Variants in FKBP9 observed in about 807,000 individuals in gnomAD.
FKBP9 encodes FKBP prolyl isomerase 9, also known as peptidyl-prolyl cis-trans isomerase FKBP9.
Under a neutral mutation model 55.6 loss-of-function variants are expected in FKBP9, and 27 were observed. The observed-to-expected ratio is 0.49, with a 90% CI of 0.36 to 0.67. FKBP9 has a LOEUF of 0.67. Among genes scored for constraint, FKBP9 ranks in the 30% least tolerant of loss-of-function variants. The pLI is 0.00. For missense variants in FKBP9, 539 were observed against 742.8 expected (o/e 0.73, Z 3.19); for synonymous variants, 267 against 296.5 (o/e 0.90, Z 1.02).
chr7:32,967,063 GC>G lies in FKBP9; in HGVS notation c.222-7551del, dbSNP rs563436891. Among the ~76,000 whole-genome samples, 20 of 152,202 alleles carry G rather than the reference GC, an allele frequency of 1.3e-4. No homozygotes were observed. In the East Asian group the frequency reaches 3.7e-3, roughly 28 times the overall value. ...GTCTGTAGGGTCACCATGGATTGTGGCCCTAAACTAAAGGGCCCGGTTCCTG... is the reference window on the plus strand; with the variant it reads ...GTCTGTAGGGTCACCATGGATTGTGGCCTAAACTAAAGGGCCCGGTTCCTG... On this transcript the variant is annotated intron_variant, in intron 1 of 9. Coordinates refer to ENST00000242209, the MANE Select transcript of FKBP9 (RefSeq NM_007270.5).
At chr7:32,965,866 T>TATGTATACACATATGTATATAC (rs70989913) in intron 1 of FKBP9, among the ~76,000 whole-genome samples, 1 of 97,520 alleles carries the variant, frequency 1.0e-5, no homozygotes, top group African/African-American at 4.8e-5. Flanking sequence ...TATATATATA[T>TATGTATACACATATGTATATAC]ACATACATAT....
At chr7:32,980,767 T>A (rs1397976032) in intron 5 of FKBP9, among the ~76,000 whole-genome samples, 1 of 152,074 alleles carries the variant, frequency 6.6e-6, no homozygotes, top group Non-Finnish European at 1.5e-5. Context: ...TCTCGTTCTG[T>A]CATCCAGTGT....
chr7:32,988,332 T>C (rs3763474), intron 5 of FKBP9, among the ~76,000 whole-genome samples, 175 bp from the exon 6 acceptor site: 78,405 of 152,002 alleles, frequency 0.52, 21,816 homozygotes, highest in Non-Finnish European at 0.63. Context: ...GTGGGGGTTC[T>C]TATTTACCCT....
Position 32,996,304 on chromosome 7 carries a change from A to G in FKBP9, c.1181A>G (p.Tyr394Cys), listed in dbSNP as rs769978929. The G allele has an allele frequency of 2.5e-6, 4 of 1,613,964 alleles. No individual in the cohort carries two copies. The highest frequency in any genetic ancestry group is 1.7e-5 in the Admixed American group (1 of 60,016). Residue 394 changes from tyrosine to cysteine, a missense_variant, in exon 7 of 10, where the codon TAT becomes TGT. By Grantham distance (194) the Tyr-to-Cys change is radical. This residue lies in a region of FKBP9 where 172 missense variants were observed against 205.3 expected (regional missense o/e 0.84). Coordinates refer to ENST00000242209, the MANE Select transcript of FKBP9 (RefSeq NM_007270.5). ...AGTAAGAAGGGAGATTACCTCAAATATCACTACAATGCCTCACTTCTGGAT... is the reference window on the plus strand; with the variant it reads ...AGTAAGAAGGGAGATTACCTCAAATGTCACTACAATGCCTCACTTCTGGAT... ...VLSKKGDYLK[Y>C]HYNASLLDGT...
intron 3 of FKBP9, 29 bp from the exon 4 acceptor site, chr7:32,976,325 A>G (rs779631252): frequency 3.0e-5 from 48 of 1,613,840 alleles, no homozygotes; most frequent in Middle Eastern, 3.3e-4. Context: ...CATGGTGTGG[A>G]ACTTTTTCCC....
At chr7:32,996,126 A>C (rs765311311) in intron 6 of FKBP9, 37 bp from the exon 7 acceptor site, 1 of 1,601,150 alleles carries the variant, frequency 6.2e-7, no homozygotes, top group Non-Finnish European at 8.5e-7. Context: ...TGCAGCCTGC[A>C]GGGGTCATTC....
intron 1 of FKBP9, among the ~76,000 whole-genome samples, chr7:32,965,910 G>A (rs1175737000): frequency 3.5e-5 from 5 of 141,784 alleles, no homozygotes; most frequent in Non-Finnish European, 6.1e-5. Context: ...GAGCCATGGG[G>A]GGCTGGGCGC....
At chr7:32,978,721 T>A (rs1338846543) in intron 4 of FKBP9, among the ~76,000 whole-genome samples, 1 of 152,174 alleles carries the variant, frequency 6.6e-6, no homozygotes, top group Non-Finnish European at 1.5e-5. Context: ...TCATTCACGT[T>A]GGCTCCCAGA....
rs1784357747 is a variant in FKBP9 at position 32,976,042 on chromosome 7, GC to G, written c.558-311del. 1.3e-5 allele frequency among the ~76,000 whole-genome samples: 2 copies of G among 152,204 alleles called. 1 individual carries two copies. On this transcript the variant is annotated intron_variant, in intron 3 of 9. Coordinates refer to ENST00000242209, the MANE Select transcript of FKBP9 (RefSeq NM_007270.5). ...GAGGGAAAAGATGAATGTATGTGAA[GC>G]TATGGAGAGGCATGGGGCTACACGG...
intron 1 of FKBP9, 99 bp downstream of exon 1, chr7:32,957,893 G>C: frequency 1.1e-6 from 1 of 901,220 alleles, no homozygotes; most frequent in Admixed American, 4.2e-5. Context: ...GCTCCGCCCC[G>C]TGCAGCCGCG....
At chr7:32,973,682 G>GTTTTTTTTTT (rs745717239) in intron 1 of FKBP9, among the ~76,000 whole-genome samples, 3 of 64,984 alleles carry the variant, frequency 4.6e-5, no homozygotes, top group Non-Finnish European at 5.7e-5. Flanking sequence ...GTTTTTTGTT[G>GTTTTTTTTTT]TTTTTTTTTT....
In FKBP9 at chr7:32,974,002, T is replaced by C. The variant is rs1784306795; in HGVS notation, c.222-615T>C. ...CCACTGCACCTGGCTGTAAAGTCTT[T>C]TTTTAAAATTTTATTTTATTTTATT... On this transcript the variant is annotated intron_variant, in intron 1 of 9. Coordinates refer to ENST00000242209, the MANE Select transcript of FKBP9 (RefSeq NM_007270.5). Among the ~76,000 whole-genome samples, 3 of 152,054 alleles carry C rather than the reference T, an allele frequency of 2.0e-5. No individual in the cohort carries two copies. The South Asian group carries it at 6.2e-4, about 32-fold the overall frequency.
Position 33,006,007 on chromosome 7 carries a change from G to A in FKBP9, c.*656G>A, listed in dbSNP as rs915839442. The A allele has an allele frequency of 3.0e-5, 7 of 230,988 alleles. No individual in the cohort carries two copies. The highest frequency in any genetic ancestry group is 4.4e-5 in the African/African-American group (2 of 45,130). The allele number at this position is 230,988 out of a possible 1,614,324, so 14.3% of individuals were successfully genotyped here. A position where few individuals can be genotyped will look rare whatever the true frequency, so the allele number is the denominator to read the frequency against. The stretch of plus-strand genomic sequence containing the variant: ...AAAGAGCCTTTTGGACAGAAAACTG[G>A]GCCAGGAAAAGGCATCTCAGACCAC... On this transcript the variant is annotated 3_prime_UTR_variant, in exon 10 of 10. Transcript: ENST00000242209.
chr7:32,975,068 G>A (rs1784332417), intron 2 of FKBP9, 114 bp from the exon 3 acceptor site: 10 of 823,374 alleles, frequency 1.2e-5, no homozygotes, highest in South Asian at 1.1e-4. Flanking sequence ...ATTGTATAGC[G>A]GTGACTGCTT....
intron 2 of FKBP9, 65 bp from the exon 3 acceptor site, chr7:32,975,117 G>A: frequency 7.6e-7 from 1 of 1,323,900 alleles, no homozygotes; most frequent in Non-Finnish European, 1.1e-6. Context: ...GAGCATCCTA[G>A]GTGTTTATTT....
chr7:32,974,869 G>A (rs1404730793), intron 2 of FKBP9, 107 bp downstream of exon 2: 3 of 1,093,934 alleles, frequency 2.7e-6, no homozygotes, highest in Non-Finnish European at 4.0e-6. Context: ...TAGATTGGGG[G>A]AAAATGAAAA....
At chr7:32,970,092 T>C (rs1472269798) in intron 1 of FKBP9, among the ~76,000 whole-genome samples, 3 of 152,152 alleles carry the variant, frequency 2.0e-5, no homozygotes, top group East Asian at 1.9e-4. Flanking sequence ...AGGAATTGCA[T>C]TGAATCAATA....
Position 32,957,621 on chromosome 7 carries a change from G to A in FKBP9, c.48G>A (p.Leu16=), listed in dbSNP as rs1362716251. 1 of 1,489,136 alleles carries A rather than the reference G, an allele frequency of 6.7e-7. No individual in the cohort carries two copies. The highest frequency in any genetic ancestry group is 1.5e-5 in the African/African-American group (1 of 68,382). 92.2% of individuals were successfully genotyped at this position (1,489,136 alleles called of 1,614,324 possible). Residue 16 remains leucine, a synonymous_variant, in exon 1 of 10, where the codon CTG becomes CTA. Transcript: ENST00000242209. ...CCCCGCCGCCACCGCTGCTCCTGCT[G>A]CTGCTCTGGGTGACCGGGCAGGCAG... The part of the protein sequence containing the change: ...WRPPPPPLLL[L]LLWVTGQAAP...
intron 1 of FKBP9, 88 bp downstream of exon 1, chr7:32,957,882 A>C: frequency 1.0e-6 from 1 of 1,000,168 alleles, no homozygotes; most frequent in Non-Finnish European, 1.4e-6. Context: ...GACCTCCCCT[A>C]GCTCCGCCCC....
Sources: allele counts gnomAD v4.1 joint callset (sites outside exome capture counted in the v4.1 genomes callset), GRCh38; gene constraint gnomAD v4.1.1; regional missense constraint gnomAD v4.1.1; transcripts MANE v1.5; gene names NCBI Gene and HGNC (gene_info 2026-07-23, HGNC 2026-07-21).